DCST1: variants seen among roughly 807,000 people sequenced by gnomAD.
The protein encoded by DCST1 is DC-STAMP domain containing 1.
A neutral mutation model predicts 89.1 loss-of-function variants in DCST1; 78 were observed. That is an observed-to-expected ratio of 0.88 (90% CI 0.73 to 1.06). The LOEUF is 1.06. Among genes scored for constraint, DCST1 ranks in the 50% least tolerant of loss-of-function variants. The pLI is 0.00. For synonymous variants in DCST1, 364 were observed against 371.9 expected (o/e 0.98, Z 0.24); for missense variants, 900 against 928.6 (o/e 0.97, Z 0.40).
intron 10 of DCST1, among the ~76,000 whole-genome samples, 163 bp downstream of exon 10, chr1:155,043,672 A>G (rs1415683382): frequency 6.6e-6 from 1 of 152,148 alleles, no homozygotes; most frequent in East Asian, 1.9e-4. Flanking sequence ...AAAAGTGGAC[A>G]TTTTGTCAGA....
Position 155,041,727 on chromosome 1 carries a change from G to C in DCST1, c.762G>C (p.Gln254His). The C allele has an allele frequency of 6.2e-7, 1 of 1,614,214 alleles. No individual in the cohort carries two copies. Among genetic ancestry groups the C allele is most frequent in the Non-Finnish European group, 8.5e-7 (1 of 1,180,038 alleles). ...TCCTTCCTACAGATGTGGTGAACCA[G>C]GCCATACTCAGCTGCCGTCGTTGGT... ...TKLRCSYVVN[Q>H]AILSCRRWFD... The change falls in exon 8 of 17, where the codon CAG (glutamine) becomes CAC (histidine). Residue 254 changes from glutamine to histidine, a missense_variant. Gln to His is a conservative substitution (Grantham distance 24, BLOSUM62 0). Transcript: ENST00000295542.
At chr1:155,050,553 C>T in intron 16 of DCST1, 64 bp from the exon 17 acceptor site, 1 of 1,484,832 alleles carries the variant, frequency 6.7e-7, no homozygotes, top group Non-Finnish European at 8.9e-7. Context: ...ACAGGAAACG[C>T]TGTCCAGTTC....
At chr1:155,041,210 G>T (rs563130160) in intron 6 of DCST1, among the ~76,000 whole-genome samples, 187 bp from the exon 7 acceptor site, 2 of 152,188 alleles carry the variant, frequency 1.3e-5, no homozygotes, top group Non-Finnish European at 2.9e-5. Flanking sequence ...GGCAGCTGGT[G>T]GGGGGGCTCC....
At chr1:155,039,573 C>G in intron 5 of DCST1, 42 bp downstream of exon 5, 3 of 1,492,414 alleles carry the variant, frequency 2.0e-6, no homozygotes, top group South Asian at 2.8e-5. Flanking sequence ...AAGCAGTGAC[C>G]CTGGGTGGGT....
chr1:155,050,703 C>G lies in DCST1; in HGVS notation c.1956C>G (p.Pro652=). ...LCRRCVVCQA[P]ETPESYVCRT... ...GGCGCTGCGTGGTGTGCCAGGCACC[C>G]GAGACGCCCGAGTCCTACGTGTGCC... The change falls in exon 17 of 17, where the codon CCC becomes CCG. Residue 652 remains proline, a synonymous_variant. Transcript: ENST00000295542. 1 of 1,606,674 alleles carries G rather than the reference C, an allele frequency of 6.2e-7. No individual in the cohort carries two copies. Among genetic ancestry groups the G allele is most frequent in the African/African-American group, 1.3e-5 (1 of 74,884 alleles).
At chr1:155,039,624 G>C in intron 5 of DCST1, 93 bp downstream of exon 5, 9 of 1,431,012 alleles carry the variant, frequency 6.3e-6, no homozygotes, top group Non-Finnish European at 8.3e-6. Flanking sequence ...GAAAAGACAG[G>C]AGTGTCATCC....
rs781314174 is a variant in DCST1, at chr1:155,039,440, C to T, written c.300C>T (p.Ile100=). The T allele has an allele frequency of 9.4e-6, 15 of 1,598,578 alleles. No individual in the cohort carries two copies. Among genetic ancestry groups the T allele is most frequent in the Non-Finnish European group, 1.2e-5 (14 of 1,172,418 alleles). The change falls in exon 5 of 17, where the codon ATC becomes ATT. Residue 100 remains isoleucine, a synonymous_variant. Coordinates refer to ENST00000295542, the MANE Select transcript of DCST1 (RefSeq NM_152494.4). ...TGGGCTGGGGGACCTCCCCTCACAT[C>T]CGCTGTGCCAGCCTCCTACTAGTAC... ...GAMGWGTSPH[I]RCASLLLVPK...
chr1:155,048,556 T>C (rs1660739240), intron 16 of DCST1, among the ~76,000 whole-genome samples: 1 of 152,130 alleles, frequency 6.6e-6, no homozygotes, highest in African/African-American at 2.4e-5. Context: ...CACCTCAGCC[T>C]TCCAAAGTCC....
chr1:155,041,416 G>A lies in DCST1; in HGVS notation c.551G>A (p.Arg184Lys). ...KDLLSSKELL[R>K]AETRNISATF... ...TCCCAGAGTAGCAAAGAATTGCTGAGAGCAGAGACTCGGAACATCTCCGCC... is the reference window on the plus strand; with the variant it reads ...TCCCAGAGTAGCAAAGAATTGCTGAAAGCAGAGACTCGGAACATCTCCGCC... Residue 184 changes from arginine to lysine, a missense_variant, in exon 7 of 17, where the codon AGA (arginine) becomes AAA (lysine). Physicochemically the swap from Arg to Lys is conservative, Grantham distance 26. Transcript: ENST00000295542. 1 of 1,613,790 alleles carries A rather than the reference G, an allele frequency of 6.2e-7. No homozygotes were observed. The highest frequency in any genetic ancestry group is 8.5e-7 in the Non-Finnish European group (1 of 1,180,022).
At chr1:155,041,350 C>A in intron 6 of DCST1, 47 bp from the exon 7 acceptor site, 1 of 1,602,350 alleles carries the variant, frequency 6.2e-7, no homozygotes, top group South Asian at 1.1e-5. Context: ...AGCAGAAGTT[C>A]TAAAGCCCCA....
intron 4 of DCST1, among the ~76,000 whole-genome samples, chr1:155,036,821 G>A (rs1571558649): frequency 6.6e-6 from 1 of 152,260 alleles, no homozygotes; most frequent in East Asian, 1.9e-4. Context: ...CTGACCTCGA[G>A]TGAAGCCCCC....
rs1281341389 is a variant in DCST1, at chr1:155,046,454, G to A, written c.1463G>A (p.Arg488His). 19 of 1,613,746 alleles carry A rather than the reference G, an allele frequency of 1.2e-5. No individual in the cohort carries two copies. Among genetic ancestry groups the A allele is most frequent in the South Asian group, 7.7e-5 (7 of 91,086 alleles). ...CTCTACTCCATCTTCGACACCATCC[G>A]CCACCACTCCTTCCTGCAGTACTCC... Reference protein sequence around the residue: ...WALYSIFDTIRHHSFLQYSFR... With the variant: ...WALYSIFDTIHHHSFLQYSFR... The change falls in exon 13 of 17, where the codon CGC (arginine) becomes CAC (histidine). Residue 488 changes from arginine to histidine, a missense_variant. Physicochemically the swap from Arg to His is conservative, Grantham distance 29 (BLOSUM62 0). Coordinates refer to ENST00000295542, the MANE Select transcript of DCST1 (RefSeq NM_152494.4).
rs572643895 is a variant in DCST1, at chr1:155,042,678, G to A, written c.893-57G>A. ...GACTACAGGAGGACAGGCAGGCCAG[G>A]CCTGCACCTGGAGGACAGGCCCGGG... is the stretch of plus-strand genomic sequence containing the variant. On this transcript the variant is annotated intron_variant, in intron 8 of 16. Coordinates refer to ENST00000295542, the MANE Select transcript of DCST1 (RefSeq NM_152494.4). 1.9e-5 allele frequency: 31 copies of A among 1,611,504 alleles called. No homozygotes were observed. The African/African-American group carries it at 3.2e-4, about 17-fold the overall frequency.
At position 155,047,260 on chromosome 1, in the gene DCST1, C is replaced by T; in HGVS notation, c.1560C>T (p.Thr520=). 1.9e-6 allele frequency: 3 copies of T among 1,614,220 alleles called. No homozygotes were observed. The highest frequency in any genetic ancestry group is 1.1e-5 in the South Asian group (1 of 91,082). Residue 520 remains threonine, a synonymous_variant, in exon 14 of 17, where the codon ACC becomes ACT. Transcript: ENST00000295542. The part of the protein sequence containing the change: ...DSMLARLLRK[T]IGALNTSSET... ...TGCTAGCCCGGCTTCTTCGAAAAAC[C>T]ATTGGGGCCCTGAACACCTCCTCAG...
In DCST1 at chr1:155,037,852, A is replaced by T. The variant is rs149671323; in HGVS notation, c.263-1551A>T. On this transcript the variant is annotated intron_variant, in intron 4 of 16. Coordinates refer to ENST00000295542, the MANE Select transcript of DCST1 (RefSeq NM_152494.4). ...AGCTCCATGGGGCTCTCATTAGAAC[A>T]TAGGGCAACTATTTGTCAACTATTA... 2.4e-3 allele frequency among the ~76,000 whole-genome samples: 360 copies of T among 152,368 alleles called. 2 individuals are homozygous for T. Among genetic ancestry groups the T allele is most frequent in the African/African-American group, 8.2e-3 (341 of 41,584 alleles).
chr1:155,047,530 T>C (rs1660692898), intron 14 of DCST1, among the ~76,000 whole-genome samples: 2 of 152,214 alleles, frequency 1.3e-5, no homozygotes, highest in Admixed American at 1.3e-4. Context: ...GGCCAGGGTC[T>C]TGTGGCTAGG....
intron 6 of DCST1, among the ~76,000 whole-genome samples, 165 bp from the exon 7 acceptor site, chr1:155,041,232 G>A (rs79380792): frequency 0.053 from 8,136 of 152,238 alleles, 310 homozygotes; most frequent in Non-Finnish European, 0.082. Context: ...AAGGGCAATG[G>A]ACAGCCGGGA....
chr1:155,049,390 A>G (rs1026927902), intron 16 of DCST1: 1 of 305,540 alleles, frequency 3.3e-6, no homozygotes, highest in Non-Finnish European at 6.0e-6. Context: ...TAATAACACT[A>G]TCTGCCTTAC....
Position 155,047,277 on chromosome 1 carries a change from C to T in DCST1, c.1577C>T (p.Thr526Ile), listed in dbSNP as rs779395767. The T allele has an allele frequency of 1.2e-6, 2 of 1,614,150 alleles. No individual in the cohort carries two copies. Among genetic ancestry groups the T allele is most frequent in the Admixed American group, 3.3e-5 (2 of 60,024 alleles). ...CGAAAAACCATTGGGGCCCTGAACA[C>T]CTCCTCAGAGACAGTGATGGAATCA... Reference protein sequence around the residue: ...LLRKTIGALNTSSETVMESNN... With the variant: ...LLRKTIGALNISSETVMESNN... The change falls in exon 14 of 17, where the codon ACC becomes ATC. Residue 526 changes from threonine to isoleucine, a missense_variant. Physicochemically the swap from Thr to Ile is moderately conservative, Grantham distance 89 (BLOSUM62 -1). Coordinates refer to ENST00000295542, the MANE Select transcript of DCST1 (RefSeq NM_152494.4).
Sources: gnomAD v4.1 joint callset for allele counts (sites outside exome capture counted in the v4.1 genomes callset) on GRCh38, gnomAD v4.1.1 for gene constraint, MANE v1.5 for transcripts, NCBI Gene and HGNC (gene_info 2026-07-23, HGNC 2026-07-21) for gene names.